Variants in MACF1 observed in about 807,000 individuals in gnomAD.
MACF1 encodes the protein microtubule actin crosslinking factor 1, also known as microtubule-actin cross-linking factor 1.
In MACF1, 193 loss-of-function variants were observed where a neutral mutation model predicts 854.8. The ratio of observed to expected loss-of-function variants is 0.23; its 90% CI spans 0.20 to 0.25. MACF1 has a LOEUF of 0.25. Among genes scored for constraint, MACF1 ranks in the 10% least tolerant of loss-of-function variants. The pLI is 1.00. For synonymous variants in MACF1, 3,185 were observed against 3,226.7 expected (o/e 0.99, Z 0.44); for missense variants, 7,722 against 8,929.1 (o/e 0.86, Z 5.45).
In MACF1 at chr1:39,479,865, G is replaced by A. The variant is rs1225844452; in HGVS notation, c.22026G>A (p.Met7342Ile). Residue 7342 changes from methionine (M) to isoleucine (I), a missense_variant, in exon 98 of 101, where the codon ATG becomes ATA. Met to Ile is a conservative substitution (Grantham distance 10). Around this residue, in one of 15 missense-constraint regions of MACF1, gnomAD observed 153 missense variants for 342.5 expected, o/e 0.45. Transcript: ENST00000564288. ...FILPEGASQG[M>I]TPFRSRGRRS... Reference sequence around the variant, plus strand: ...TACCAGAGGGAGCATCCCAGGGAATGACCCCCTTCCGCTCACGGGGTCGAA... The same window carrying A: ...TACCAGAGGGAGCATCCCAGGGAATAACCCCCTTCCGCTCACGGGGTCGAA... 1.2e-6 allele frequency: 2 copies of A among 1,614,104 alleles called. No homozygotes were observed. Among genetic ancestry groups the A allele is most frequent in the African/African-American group, 2.7e-5 (2 of 74,944 alleles).
At chr1:39,372,733 C>A in intron 52 of MACF1, 137 bp downstream of exon 52, 1 of 663,450 alleles carries the variant, frequency 1.5e-6, no homozygotes. Flanking sequence ...GCAGTCTTCC[C>A]CTGCAACCTG....
chr1:39,370,578 A>G (rs139431607), intron 51 of MACF1, among the ~76,000 whole-genome samples: 84 of 152,328 alleles, frequency 5.5e-4, no homozygotes, highest in African/African-American at 1.9e-3. Context: ...TTGATCCGTA[A>G]TTATCCAGCC....
At chr1:39,305,662 C>T (rs1571306117) in intron 23 of MACF1, among the ~76,000 whole-genome samples, 1 of 152,194 alleles carries the variant, frequency 6.6e-6, no homozygotes, top group African/African-American at 2.4e-5. Context: ...AGCTGAGCCA[C>T]ATCTTACTCT....
chr1:39,292,780 G>C lies in MACF1; in HGVS notation c.1929G>C (p.Gln643His), dbSNP rs773296220. 9.3e-6 allele frequency: 15 copies of C among 1,611,112 alleles called. No homozygotes were observed. The East Asian group carries it at 3.3e-4, about 36-fold the overall frequency. The stretch of plus-strand genomic sequence containing the variant: ...TTTTTAATCAGGGAAAGATGTCCCA[G>C]AATTTCCATACCAGCTATGCTGAAA... ...EARLYEGKMS[Q>H]NFHTSYAETL... The change falls in exon 17 of 101, where the codon CAG (glutamine) becomes CAC (histidine). Residue 643 changes from glutamine (Q) to histidine (H), a missense_variant. By Grantham distance (24) the Gln-to-His change is conservative (BLOSUM62 0). Transcript: ENST00000564288.
chr1:39,398,333 T>C (rs555984472), intron 58 of MACF1, among the ~76,000 whole-genome samples: 2 of 152,112 alleles, frequency 1.3e-5, no homozygotes, highest in Non-Finnish European at 2.9e-5. Context: ...GAGATAGAGT[T>C]TCACCATGTT....
chr1:39,354,246 A>G (rs1647332105), intron 44 of MACF1, among the ~76,000 whole-genome samples: 1 of 152,112 alleles, frequency 6.6e-6, no homozygotes, highest in South Asian at 2.1e-4. Flanking sequence ...TCTCCATTGC[A>G]TAAAGTAACG....
chr1:39,149,718 G>A (rs947545498), intron 2 of MACF1, among the ~76,000 whole-genome samples: 1 of 124,910 alleles, frequency 8.0e-6, no homozygotes, highest in Non-Finnish European at 1.8e-5. Context: ...GAGAGCCAGG[G>A]TTCAGTCATC....
At chr1:39,432,994 G>C (rs1374743799) in intron 67 of MACF1, 54 bp from the exon 68 acceptor site, 13 of 1,139,940 alleles carry the variant, frequency 1.1e-5, no homozygotes, top group Non-Finnish European at 1.7e-5. Context: ...TTAACCTTTA[G>C]TAATAACAGG....
At chr1:39,231,291 C>T (rs745840549) in intron 2 of MACF1, 48 bp downstream of exon 2, 14 of 1,511,746 alleles carry the variant, frequency 9.3e-6, no homozygotes, top group African/African-American at 1.4e-5. Flanking sequence ...TCACTGCTCT[C>T]ATCTGGATCT....
At chr1:39,234,650 C>CCCCT (rs1644834060) in intron 2 of MACF1, among the ~76,000 whole-genome samples, 1 of 87,940 alleles carries the variant, frequency 1.1e-5, no homozygotes, top group Non-Finnish European at 2.5e-5. Flanking sequence ...GGGGCTGACC[C>CCCCT]CCCCACCTCC....
chr1:39,305,440 A>G (rs1443423778), intron 23 of MACF1, among the ~76,000 whole-genome samples: 1 of 152,176 alleles, frequency 6.6e-6, no homozygotes, highest in African/African-American at 2.4e-5. Context: ...GCTGGGTTAT[A>G]AATCCACATT....
rs777307103 is a variant in MACF1, at chr1:39,458,456, C to A, written c.21162C>A (p.His7054Gln). The A allele has an allele frequency of 6.2e-7, 1 of 1,614,002 alleles. No homozygotes were observed. The highest frequency in any genetic ancestry group is 8.5e-7 in the Non-Finnish European group (1 of 1,179,940). The change falls in exon 90 of 101, where the codon CAC (histidine) becomes CAA (glutamine). Residue 7054 changes from histidine to glutamine, a missense_variant. His to Gln is a conservative substitution (Grantham distance 24, BLOSUM62 0). Transcript: ENST00000564288. ...TYKRKNIEPTHAPFIEKSRSG... is the reference protein window; with the variant it reads ...TYKRKNIEPTQAPFIEKSRSG... Reference sequence around the variant, plus strand: ...AAAGGAAAAACATAGAGCCTACTCACGCGCCTTTCATAGAGAAATCCCGCA... The same window carrying A: ...AAAGGAAAAACATAGAGCCTACTCAAGCGCCTTTCATAGAGAAATCCCGCA...
At chr1:39,439,209 C>A in intron 71 of MACF1, 65 bp from the exon 72 acceptor site, 1 of 894,600 alleles carries the variant, frequency 1.1e-6, no homozygotes, top group Non-Finnish European at 1.8e-6. Context: ...CATGGAATTT[C>A]TGAATAGACC....
Position 39,324,732 on chromosome 1 carries a change from T to C in MACF1, c.4476T>C (p.His1492=). Residue 1492 remains histidine (H), a splice_region_variant and synonymous_variant, in exon 35 of 101, where the codon CAT becomes CAC. Transcript: ENST00000564288. ...AGATCTTCTTGGCCAAGCATGGTCA[T>C]AAGTGAGTATTAAATGAGAGATTAT... is the stretch of plus-strand genomic sequence containing the variant. The part of the protein sequence containing the change: ...TSQIFLAKHG[H]KLSEKEKKQI... 1 of 1,610,646 alleles carries C rather than the reference T, an allele frequency of 6.2e-7. No individual in the cohort carries two copies. Among genetic ancestry groups the C allele is most frequent in the South Asian group, 1.1e-5 (1 of 90,960 alleles).
chr1:39,454,762 T>C, intron 88 of MACF1, 147 bp from the exon 89 acceptor site: 1 of 684,382 alleles, frequency 1.5e-6, no homozygotes, highest in Non-Finnish European at 2.4e-6. Context: ...ATTGTGCCAC[T>C]ACACTCCAGT....
At chr1:39,251,562 T>C (rs1645040676) in intron 3 of MACF1, among the ~76,000 whole-genome samples, 2 of 152,200 alleles carry the variant, frequency 1.3e-5, no homozygotes, top group Non-Finnish European at 1.5e-5. Context: ...CATCCAGATA[T>C]CTCTTTGACA....
chr1:39,444,478 AT>A (rs1200402058), intron 79 of MACF1, among the ~76,000 whole-genome samples, 183 bp from the exon 80 acceptor site: 8 of 152,196 alleles, frequency 5.3e-5, no homozygotes, highest in Admixed American at 5.2e-4. Flanking sequence ...ATTACAATTA[AT>A]TTTATTATTA....
chr1:39,485,495 A>T (rs537217412), intron 100 of MACF1, 43 bp from the exon 101 acceptor site: 14 of 1,540,394 alleles, frequency 9.1e-6, no homozygotes, highest in Non-Finnish European at 1.2e-5. Flanking sequence ...CTTCCACCCC[A>T]TGCCATCTCT....
chr1:39,414,018 A>G (rs1488658810), intron 58 of MACF1: 2 of 1,607,724 alleles, frequency 1.2e-6, no homozygotes, highest in South Asian at 2.2e-5. Context: ...TGCCCACCCT[A>G]GAGGAACCCA....
Sources: allele counts gnomAD v4.1 joint callset (sites outside exome capture counted in the v4.1 genomes callset), GRCh38; gene constraint gnomAD v4.1.1; regional missense constraint gnomAD v4.1.1; transcripts MANE v1.5; gene names NCBI Gene and HGNC (gene_info 2026-07-23, HGNC 2026-07-21).